SLC4A5: variants seen among roughly 807,000 people sequenced by gnomAD.
SLC4A5 encodes the protein solute carrier family 4 member 5.
In SLC4A5, 96 loss-of-function variants were observed where a neutral mutation model predicts 120.4. The observed-to-expected ratio is 0.80, with a 90% CI of 0.68 to 0.94. SLC4A5 has a LOEUF of 0.94. Among genes scored for constraint, SLC4A5 ranks in the 40% least tolerant of loss-of-function variants. SLC4A5 has a pLI of 0.00. For missense variants in SLC4A5, 1,259 were observed against 1,459.5 expected, an observed-to-expected ratio of 0.86 and a Z score of 2.24; for synonymous variants, 550 against 571.1, an observed-to-expected ratio of 0.96 and a Z score of 0.53.
chr2:74,246,451 T>C (rs995325288), intron 19 of SLC4A5, among the ~76,000 whole-genome samples: 5 of 152,212 alleles, frequency 3.3e-5, no homozygotes, highest in African/African-American at 1.2e-4. Context: ...ACACAGCTCC[T>C]TTGTGACATG....
intron 5 of SLC4A5, among the ~76,000 whole-genome samples, chr2:74,320,011 C>A (rs138789036): frequency 1.3e-5 from 2 of 151,990 alleles, no homozygotes; most frequent in Non-Finnish European, 2.9e-5. Flanking sequence ...AAGAATAAGA[C>A]AGAACTTTTC....
intron 8 of SLC4A5, among the ~76,000 whole-genome samples, chr2:74,274,785 A>T (rs771781622): frequency 6.6e-6 from 1 of 152,252 alleles, no homozygotes; most frequent in Non-Finnish European, 1.5e-5. Flanking sequence ...GGGGTTTGTT[A>T]TGTTCATCCT....
intron 22 of SLC4A5, among the ~76,000 whole-genome samples, chr2:74,234,231 T>C (rs932997071): frequency 6.6e-6 from 1 of 151,690 alleles, no homozygotes; most frequent in African/African-American, 2.4e-5. Flanking sequence ...CAGGCTGCAG[T>C]GCAGTGGCGT....
intron 15 of SLC4A5, 120 bp downstream of exon 15, chr2:74,252,854 T>G: frequency 1.6e-6 from 2 of 1,225,182 alleles, no homozygotes; most frequent in Non-Finnish European, 2.3e-6. Flanking sequence ...TCCCAAAGTG[T>G]TGAGATTACA....
intron 17 of SLC4A5, among the ~76,000 whole-genome samples, chr2:74,249,005 T>A (rs1387831851): frequency 6.6e-6 from 1 of 152,206 alleles, no homozygotes; most frequent in Non-Finnish European, 1.5e-5. Flanking sequence ...TTTCTCAACC[T>A]CGGCACAATG....
At chr2:74,292,081 A>G (rs187949515) in intron 7 of SLC4A5, among the ~76,000 whole-genome samples, 75 of 152,332 alleles carry the variant, frequency 4.9e-4, no homozygotes, top group African/African-American at 1.7e-3. Flanking sequence ...ACTGAGCCTT[A>G]GTTTCCTCAT....
At chr2:74,330,961 T>C (rs1673350669) in intron 4 of SLC4A5, among the ~76,000 whole-genome samples, 3 of 147,374 alleles carry the variant, frequency 2.0e-5, no homozygotes, top group Non-Finnish European at 4.5e-5. Context: ...GGTGGTGAGG[T>C]GTAGATGGTG....
intron 4 of SLC4A5, among the ~76,000 whole-genome samples, chr2:74,330,837 GTGTA>G (rs1673342885): frequency 1.0e-4 from 9 of 88,742 alleles, no homozygotes; most frequent in Admixed American, 2.7e-4. Flanking sequence ...CTAGATGGAG[GTGTA>G]TGGTGTAGGT....
At chr2:74,304,185 T>C (rs915692360) in intron 7 of SLC4A5, among the ~76,000 whole-genome samples, 6 of 152,214 alleles carry the variant, frequency 3.9e-5, no homozygotes, top group Admixed American at 1.3e-4. Flanking sequence ...AATGACCGTA[T>C]GGTCCTTGGA....
chr2:74,324,068 G>A (rs540477176), intron 5 of SLC4A5, among the ~76,000 whole-genome samples: 17 of 152,138 alleles, frequency 1.1e-4, no homozygotes, highest in South Asian at 8.3e-4. Flanking sequence ...TATTTTAAAC[G>A]TTTTAAAGTA....
intron 12 of SLC4A5, 119 bp from the exon 13 acceptor site, chr2:74,256,051 G>C: frequency 1.8e-6 from 2 of 1,108,032 alleles, no homozygotes; most frequent in South Asian, 1.6e-5. Context: ...GTTGCCAAGA[G>C]ACTGAAAGAA....
In SLC4A5 at chr2:74,314,941, T is replaced by C. The variant is rs943661605; in HGVS notation, c.79+4A>G. 1 of 1,613,348 alleles carries C rather than the reference T, an allele frequency of 6.2e-7. No homozygotes were observed. Among genetic ancestry groups the C allele is most frequent in the African/African-American group, 1.3e-5 (1 of 74,896 alleles). ...TTTGCATCAAGTCCTCAAAGTGACCTCACCTTTCTGATCCGGAAATCTCCT... is the reference window on the plus strand; with the variant it reads ...TTTGCATCAAGTCCTCAAAGTGACCCCACCTTTCTGATCCGGAAATCTCCT... On this transcript the variant is annotated splice_donor_region_variant and intron_variant, in intron 6 of 30. Transcript: ENST00000394019.
Position 74,285,915 on chromosome 2 carries a change from G to A in SLC4A5, c.272-13C>T, listed in dbSNP as rs753632036. ...GCAGCTGGGGACCCTGCAAAAGAGGGGCAGCAGGTCTGCTGAGTGTCCCAT... is the reference window on the plus strand; with the variant it reads ...GCAGCTGGGGACCCTGCAAAAGAGGAGCAGCAGGTCTGCTGAGTGTCCCAT... On this transcript the variant is annotated splice_polypyrimidine_tract_variant and intron_variant, in intron 7 of 30. Transcript: ENST00000394019. The A allele has an allele frequency of 6.3e-7, 1 of 1,581,930 alleles. No homozygotes were observed. The highest frequency in any genetic ancestry group is 8.6e-7 in the Non-Finnish European group (1 of 1,163,616).
chr2:74,246,977 G>A, intron 19 of SLC4A5, 59 bp downstream of exon 19: 1 of 1,585,870 alleles, frequency 6.3e-7, no homozygotes, highest in Non-Finnish European at 8.6e-7. Flanking sequence ...CTGTGGTGAA[G>A]GATCAGGGGG....
chr2:74,287,997 C>T (rs1672037841), intron 7 of SLC4A5, among the ~76,000 whole-genome samples: 1 of 152,118 alleles, frequency 6.6e-6, no homozygotes, highest in African/African-American at 2.4e-5. Context: ...CAGTTCCCGG[C>T]CTGCTGCCAC....
intron 20 of SLC4A5, among the ~76,000 whole-genome samples, chr2:74,241,343 A>C (rs1670437357): frequency 6.6e-6 from 1 of 151,004 alleles, no homozygotes; most frequent in Non-Finnish European, 1.5e-5. Flanking sequence ...TTGGCTCACC[A>C]CAACCTCTGC....
At chr2:74,280,685 A>ATT (rs35096924) in intron 8 of SLC4A5, among the ~76,000 whole-genome samples, 20 of 140,906 alleles carry the variant, frequency 1.4e-4, no homozygotes, top group African/African-American at 4.7e-4. Flanking sequence ...ATTATACAGG[A>ATT]TTTTTTTTTT....
chr2:74,279,124 G>C (rs1054693952), intron 8 of SLC4A5, among the ~76,000 whole-genome samples: 1 of 152,300 alleles, frequency 6.6e-6, no homozygotes, highest in South Asian at 2.1e-4. Flanking sequence ...CTCAGACTTC[G>C]CTGACCCTCA....
intron 28 of SLC4A5, 106 bp from the exon 29 acceptor site, chr2:74,223,058 G>A: frequency 1.5e-6 from 1 of 667,136 alleles, no homozygotes; most frequent in South Asian, 1.9e-5. Context: ...AGGCTGGAGT[G>A]CAGTGGTGCG....
Sources: gnomAD v4.1 joint callset for allele counts (sites outside exome capture counted in the v4.1 genomes callset) on GRCh38, gnomAD v4.1.1 for gene constraint, MANE v1.5 for transcripts, NCBI Gene and HGNC (gene_info 2026-07-23, HGNC 2026-07-21) for gene names.